GTF2F2: variants seen among roughly 807,000 people sequenced by gnomAD.
GTF2F2 encodes the protein ATP-dependent helicase GTF2F2.
In GTF2F2, 23 loss-of-function variants were observed where a neutral mutation model predicts 42.2. That is an observed-to-expected ratio of 0.55 (90% confidence interval 0.39 to 0.77). The LOEUF (loss-of-function observed/expected upper bound fraction) is 0.77. Among genes scored for constraint, GTF2F2 ranks in the 30% least tolerant of loss-of-function variants. The probability of loss-of-function intolerance (pLI) is 0.00; values close to 1 mark genes in which losing one functional copy is unlikely to be tolerated. For synonymous variants in GTF2F2, 105 were observed against 100.8 expected, an observed-to-expected ratio of 1.04 and a Z score of -0.25; for missense variants, 261 against 287.2, an observed-to-expected ratio of 0.91 and a Z score of 0.66.
chr13:45,130,431 A>G (rs1275545823), intron 1 of GTF2F2, among the ~76,000 whole-genome samples: 2 of 152,262 alleles, frequency 1.3e-5, no homozygotes, highest in Non-Finnish European at 2.9e-5. Flanking sequence ...GCAGAACAGT[A>G]TCATCTGACT....
chr13:45,131,508 G>A (rs1249201690), intron 1 of GTF2F2, among the ~76,000 whole-genome samples: 3 of 152,192 alleles, frequency 2.0e-5, no homozygotes, highest in African/African-American at 7.2e-5. Context: ...TTTCAGTGGA[G>A]TGGCAGGGAG....
intron 5 of GTF2F2, among the ~76,000 whole-genome samples, chr13:45,247,066 T>C (rs2138241359): frequency 7.2e-6 from 1 of 138,052 alleles, no homozygotes; most frequent in East Asian, 2.3e-4. Flanking sequence ...GTTAAGCTTC[T>C]TGGCTGGGCA....
chr13:45,227,109 A>T (rs1874398418), intron 5 of GTF2F2, among the ~76,000 whole-genome samples: 1 of 152,160 alleles, frequency 6.6e-6, no homozygotes, highest in African/African-American at 2.4e-5. Context: ...CAAAAATAAA[A>T]AATATTATAT....
chr13:45,168,348 G>T (rs1871403624), intron 4 of GTF2F2, among the ~76,000 whole-genome samples: 2 of 152,222 alleles, frequency 1.3e-5, no homozygotes, highest in Middle Eastern at 3.2e-3. Flanking sequence ...TACTCTGCCT[G>T]CCTGGAGGGC....
intron 4 of GTF2F2, among the ~76,000 whole-genome samples, chr13:45,196,633 C>T (rs988744744): frequency 6.6e-6 from 1 of 152,098 alleles, no homozygotes; most frequent in Admixed American, 6.5e-5. Flanking sequence ...TTATAGGATA[C>T]CAGAATTAGT....
At chr13:45,274,323 C>CTTTTTTTTTTTTT (rs367793010) in intron 7 of GTF2F2, among the ~76,000 whole-genome samples, 2 of 102,430 alleles carry the variant, frequency 2.0e-5, no homozygotes, top group African/African-American at 8.6e-5. Context: ...ACAAATTATA[C>CTTTTTTTTTTTTT]TTTTTTTTTT....
chr13:45,179,355 C>G (rs539375501), intron 4 of GTF2F2, among the ~76,000 whole-genome samples: 1 of 152,142 alleles, frequency 6.6e-6, no homozygotes. Flanking sequence ...GACCATGTAG[C>G]TTACCTGGTT....
chr13:45,284,802 G>A lies in GTF2F2; in HGVS notation c.*1241G>A, dbSNP rs1877394374. 1 of 152,190 alleles carries A rather than the reference G, an allele frequency of 6.6e-6. No individual in the cohort carries two copies. Among genetic ancestry groups the A allele is most frequent in the Admixed American group, 6.5e-5 (1 of 15,274 alleles). The allele number at this position is 152,190 out of a possible 1,614,324, so 9.4% of individuals were successfully genotyped here. A position where few individuals can be genotyped will look rare whatever the true frequency, so the allele number is the denominator to read the frequency against. On this transcript the variant is annotated 3_prime_UTR_variant, in exon 8 of 8. Transcript: ENST00000340473. Reference sequence around the variant, plus strand: ...ACAATTTTTATATTATTTGCTTTTAGCAGCAAAGCATTAGAATTCTGAGAT... The same window carrying A: ...ACAATTTTTATATTATTTGCTTTTAACAGCAAAGCATTAGAATTCTGAGAT...
chr13:45,206,082 G>A (rs571246074), intron 4 of GTF2F2, among the ~76,000 whole-genome samples: 7 of 152,050 alleles, frequency 4.6e-5, no homozygotes, highest in South Asian at 4.1e-4. Context: ...AAATAATAAC[G>A]GCTTTTAAAA....
At chr13:45,229,719 G>A (rs1401800227) in intron 5 of GTF2F2, among the ~76,000 whole-genome samples, 2 of 152,144 alleles carry the variant, frequency 1.3e-5, no homozygotes, top group Non-Finnish European at 2.9e-5. Context: ...ATGTAGTGAT[G>A]TAAGGATGTA....
chr13:45,265,267 A>AG (rs1464259334), intron 6 of GTF2F2, among the ~76,000 whole-genome samples: 1 of 152,112 alleles, frequency 6.6e-6, no homozygotes, highest in Non-Finnish European at 1.5e-5. Context: ...TCAAAAAAAA[A>AG]AAAAAATTGA....
In GTF2F2 at chr13:45,212,467, C is replaced by CTTTTCT. The variant is rs371132076; in HGVS notation, c.386+4965_386+4966insTCTTTT. ...TTCTTGTTTCTTTCTTTCTTTCTTT[C>CTTTTCT]TTTCTTTCTTTCTTTCTTTCTTTCT... On this transcript the variant is annotated intron_variant, in intron 5 of 7. Transcript: ENST00000340473. Among the ~76,000 whole-genome samples, 76 of 55,118 alleles carry CTTTTCT rather than the reference C, an allele frequency of 1.4e-3. 4 individuals carry two copies. The highest frequency in any genetic ancestry group is 5.5e-3 in the African/African-American group (62 of 11,268). 36.2% of individuals were successfully genotyped at this position (55,118 alleles called of 152,430 possible).
intron 2 of GTF2F2, among the ~76,000 whole-genome samples, chr13:45,137,168 G>A (rs182364197): frequency 2.7e-4 from 41 of 152,340 alleles, no homozygotes; most frequent in Non-Finnish European, 4.7e-4. Context: ...GAAAGTACTT[G>A]CAGCAGGACT....
chr13:45,232,454 T>C (rs1433669336), intron 5 of GTF2F2, among the ~76,000 whole-genome samples: 5 of 152,096 alleles, frequency 3.3e-5, no homozygotes, highest in Admixed American at 1.3e-4. Flanking sequence ...CAGTGAGATC[T>C]TGTCTCCACT....
intron 1 of GTF2F2, among the ~76,000 whole-genome samples, chr13:45,128,350 A>G (rs1869156191): frequency 6.7e-6 from 1 of 148,896 alleles, no homozygotes. Flanking sequence ...CGAGGCGGGC[A>G]GATCACGAGG....
chr13:45,266,687 A>G (rs1876574163), intron 6 of GTF2F2, among the ~76,000 whole-genome samples: 1 of 152,256 alleles, frequency 6.6e-6, no homozygotes, highest in African/African-American at 2.4e-5. Flanking sequence ...TGTACACATT[A>G]TGCATTACAT....
rs147372424 is a variant in GTF2F2 at position 45,123,898 on chromosome 13, G to T, written c.66+3177G>T. The T allele has an allele frequency of 6.8e-4, 221 of 326,198 alleles. 1 individual carries two copies. Among genetic ancestry groups the T allele is most frequent in the African/African-American group, 4.3e-3 (201 of 46,232 alleles). 20.2% of individuals were successfully genotyped at this position (326,198 alleles called of 1,614,324 possible). Reference sequence around the variant, plus strand: ...TCTTCAGGGGGTCTGCATGGAAGCTGTGAGGAGGGGAGAGTCTTAGTGTGG... The same window carrying T: ...TCTTCAGGGGGTCTGCATGGAAGCTTTGAGGAGGGGAGAGTCTTAGTGTGG... On this transcript the variant is annotated intron_variant, in intron 1 of 7. Transcript: ENST00000340473.
At chr13:45,275,639 T>G (rs1427427846) in intron 7 of GTF2F2, among the ~76,000 whole-genome samples, 1 of 152,076 alleles carries the variant, frequency 6.6e-6, no homozygotes. Context: ...AACTCATCCT[T>G]TTTTATGGCT....
At chr13:45,191,224 A>AAAAAAAT in intron 4 of GTF2F2, among the ~76,000 whole-genome samples, 13 of 75,346 alleles carry the variant, frequency 1.7e-4, no homozygotes, top group African/African-American at 3.0e-4. Flanking sequence ...ACAAAAAAAA[A>AAAAAAAT]ATATATATAT....
Sources: allele counts gnomAD v4.1 joint callset (sites outside exome capture counted in the v4.1 genomes callset), GRCh38; gene constraint gnomAD v4.1.1; transcripts MANE v1.5; gene names NCBI Gene and HGNC (gene_info 2026-07-23, HGNC 2026-07-21).